The following POLR2B variants were observed in gnomAD, a reference collection of about 807,000 sequenced individuals.
POLR2B encodes the protein RNA polymerase II subunit B.
POLR2B carries 57 observed loss-of-function variants against 144.6 expected under a neutral mutation model. The observed-to-expected ratio is 0.39, with a 90% CI of 0.32 to 0.49. The LOEUF is 0.49. Among genes scored for constraint, POLR2B ranks in the 20% least tolerant of loss-of-function variants. POLR2B has a pLI of 0.83. For synonymous variants in POLR2B, 442 were observed against 469.8 expected (o/e 0.94, Z 0.77); for missense variants, 595 against 1,467.4 (o/e 0.41, Z 9.71).
At chr4:57,009,190 A>G (rs182292486) in intron 10 of POLR2B, among the ~76,000 whole-genome samples, 482 of 152,318 alleles carry the variant, frequency 3.2e-3, no homozygotes, top group African/African-American at 0.011. Flanking sequence ...GAAAACTCCA[A>G]TGAGTACAGA....
intron 6 of POLR2B, among the ~76,000 whole-genome samples, chr4:56,996,982 C>G (rs997484528): frequency 6.6e-6 from 1 of 152,056 alleles, no homozygotes; most frequent in Non-Finnish European, 1.5e-5. Context: ...ACCTGTAGTC[C>G]CGGTTACTCG....
chr4:57,011,715 C>T (rs933275110), intron 13 of POLR2B, among the ~76,000 whole-genome samples: 1 of 152,020 alleles, frequency 6.6e-6, no homozygotes. Flanking sequence ...CCCAGCTACT[C>T]AGGAAGCTGA....
intron 1 of POLR2B, 108 bp downstream of exon 1, chr4:56,979,112 TC>T: frequency 8.7e-7 from 1 of 1,152,348 alleles, no homozygotes; most frequent in Non-Finnish European, 1.3e-6. Context: ...GGCTGCACAG[TC>T]CCCAGCCTTG....
intron 13 of POLR2B, among the ~76,000 whole-genome samples, chr4:57,014,269 A>C (rs1446148419): frequency 6.6e-6 from 1 of 152,046 alleles, no homozygotes; most frequent in Non-Finnish European, 1.5e-5. Flanking sequence ...ATCTTGGCTC[A>C]CTGCAACCTC....
At chr4:56,985,978 A>G (rs1307047284) in intron 1 of POLR2B, among the ~76,000 whole-genome samples, 2 of 152,224 alleles carry the variant, frequency 1.3e-5, no homozygotes, top group Non-Finnish European at 2.9e-5. Flanking sequence ...CTGTACATGT[A>G]TGAAATGTTG....
At chr4:57,021,268 G>C (rs1723539184) in intron 17 of POLR2B, among the ~76,000 whole-genome samples, 1 of 152,090 alleles carries the variant, frequency 6.6e-6, no homozygotes, top group Admixed American at 6.6e-5. Flanking sequence ...AGAATCCATA[G>C]ATAACTATTG....
At chr4:57,028,099 G>A (rs1415126791) in intron 23 of POLR2B, among the ~76,000 whole-genome samples, 2 of 152,008 alleles carry the variant, frequency 1.3e-5, no homozygotes, top group African/African-American at 4.8e-5. Context: ...CTACAACATC[G>A]TCAACTTAAT....
chr4:57,009,297 G>A (rs187749972), intron 10 of POLR2B, among the ~76,000 whole-genome samples: 1 of 152,304 alleles, frequency 6.6e-6, no homozygotes, highest in African/African-American at 2.4e-5. Context: ...ATTTCATTCT[G>A]TGGCAATAGC....
intron 24 of POLR2B, 29 bp from the exon 25 acceptor site, chr4:57,030,870 G>A (rs371730084): frequency 9.7e-6 from 13 of 1,344,276 alleles, no homozygotes; most frequent in African/African-American, 7.1e-5. Context: ...ATACAATTCT[G>A]CTAATTACCA....
chr4:56,981,224 G>A (rs111755442), intron 1 of POLR2B, among the ~76,000 whole-genome samples: 229 of 152,002 alleles, frequency 1.5e-3, no homozygotes, highest in African/African-American at 3.8e-3. Context: ...GGAGATTTTC[G>A]TATCAGTACA....
chr4:56,985,575 CT>C, intron 1 of POLR2B: 3 of 611,710 alleles, frequency 4.9e-6, no homozygotes, highest in Non-Finnish European at 6.1e-6. Context: ...TAATTTTTGT[CT>C]TTTTTAGTAG....
Position 57,025,591 on chromosome 4 carries a change from G to A in POLR2B, c.3239+54G>A, listed in dbSNP as rs538856549. 2.2e-5 allele frequency: 27 copies of A among 1,228,364 alleles called. No individual in the cohort carries two copies. In the African/African-American group the frequency reaches 3.9e-4, roughly 18 times the overall value. The allele number at this position is 1,228,364 out of a possible 1,614,324, so 76.1% of individuals were successfully genotyped here. A position where few individuals can be genotyped will look rare whatever the true frequency, so the allele number is the denominator to read the frequency against. On this transcript the variant is annotated intron_variant, in intron 23 of 24. Transcript: ENST00000314595. ...TAATTAACCTTATATTATGAAAAATGTCAACACACCAAAATGGAGATAGTG... is the reference window on the plus strand; with the variant it reads ...TAATTAACCTTATATTATGAAAAATATCAACACACCAAAATGGAGATAGTG...
intron 13 of POLR2B, among the ~76,000 whole-genome samples, chr4:57,013,253 A>G (rs1403979677): frequency 6.6e-6 from 1 of 152,122 alleles, no homozygotes; most frequent in African/African-American, 2.4e-5. Flanking sequence ...CTGGGATAAC[A>G]GGTGTGAGCC....
chr4:57,024,759 A>G (rs1171383148), intron 21 of POLR2B, 127 bp from the exon 22 acceptor site: 13 of 590,628 alleles, frequency 2.2e-5, no homozygotes, highest in East Asian at 2.1e-4. Context: ...GAATTTTAAA[A>G]TACTTAAAAT....
At chr4:56,985,731 G>GT (rs1722303659) in intron 1 of POLR2B, among the ~76,000 whole-genome samples, 1 of 152,176 alleles carries the variant, frequency 6.6e-6, no homozygotes, top group South Asian at 2.1e-4. Context: ...AGAAGGAAGT[G>GT]TTTTAGCAAA....
intron 2 of POLR2B, 35 bp downstream of exon 2, chr4:56,986,461 G>A (rs1314304092): frequency 3.0e-6 from 4 of 1,330,850 alleles, no homozygotes; most frequent in African/African-American, 1.4e-5. Flanking sequence ...GCCTGAAAAG[G>A]CACTTTAGAT....
intron 22 of POLR2B, 136 bp downstream of exon 22, chr4:57,025,135 C>A: frequency 1.6e-6 from 1 of 621,018 alleles, no homozygotes; most frequent in South Asian, 2.1e-5. Flanking sequence ...TGAATTTTCA[C>A]AAAGTAAACA....
intron 6 of POLR2B, among the ~76,000 whole-genome samples, chr4:56,997,382 G>A (rs766467208): frequency 2.6e-5 from 4 of 151,794 alleles, no homozygotes; most frequent in East Asian, 1.9e-4. Flanking sequence ...TTCAGCCTCC[G>A]AAGTAGTTAG....
At chr4:57,004,419 T>G (rs1413726989) in intron 7 of POLR2B, among the ~76,000 whole-genome samples, 1 of 151,826 alleles carries the variant, frequency 6.6e-6, no homozygotes, top group Non-Finnish European at 1.5e-5. Context: ...TTTTGTAGAT[T>G]TAGGTTCTCA....
Sources: allele counts gnomAD v4.1 joint callset (sites outside exome capture counted in the v4.1 genomes callset), GRCh38; gene constraint gnomAD v4.1.1; transcripts MANE v1.5; gene names NCBI Gene and HGNC (gene_info 2026-07-23, HGNC 2026-07-21).